The following PRKG1 variants were observed in gnomAD, a reference collection of about 807,000 sequenced individuals.
The protein encoded by PRKG1 is protein kinase cGMP-dependent 1.
Under a neutral mutation model 88.1 loss-of-function variants are expected in PRKG1, and 35 were observed. The ratio of observed to expected loss-of-function variants is 0.40; its 90% CI spans 0.30 to 0.53. The LOEUF is 0.53. PRKG1 is among the 20% of genes least tolerant of loss of function. The probability of loss-of-function intolerance (pLI) is 0.59; values close to 1 mark genes in which losing one functional copy is unlikely to be tolerated. For missense variants in PRKG1, 540 were observed against 839.8 expected (o/e 0.64, Z 4.41); for synonymous variants, 303 against 292.5 (o/e 1.04, Z -0.37).
chr10:52,035,697 G>T (rs1845590094), intron 5 of PRKG1, among the ~76,000 whole-genome samples: 1 of 152,170 alleles, frequency 6.6e-6, no homozygotes, highest in African/African-American at 2.4e-5. Context: ...AACAAAGAGT[G>T]GGTACAGCTG....
At chr10:51,580,353 A>T (rs1342391946) in intron 3 of PRKG1, among the ~76,000 whole-genome samples, 2 of 152,144 alleles carry the variant, frequency 1.3e-5, no homozygotes, top group Admixed American at 1.3e-4. Flanking sequence ...TACAATTATT[A>T]TTCTTGCATG....
At chr10:52,128,190 C>T in intron 7 of PRKG1, 1 of 985,372 alleles carries the variant, frequency 1.0e-6, no homozygotes, top group Non-Finnish European at 1.2e-6. Flanking sequence ...GCTGTAAGCT[C>T]ATAAGCAACT....
At chr10:52,129,464 T>G (rs1188000107) in intron 7 of PRKG1, among the ~76,000 whole-genome samples, 1 of 152,162 alleles carries the variant, frequency 6.6e-6, no homozygotes, top group Non-Finnish European at 1.5e-5. Flanking sequence ...CATATACTAA[T>G]GTCAAGGATT....
intron 5 of PRKG1, among the ~76,000 whole-genome samples, chr10:51,945,366 G>A (rs1368975546): frequency 1.3e-5 from 2 of 151,626 alleles, no homozygotes; most frequent in African/African-American, 4.9e-5. Flanking sequence ...CGTGAGATGA[G>A]TTTCCTGAAT....
At chr10:52,116,261 CA>C (rs1157446585) in intron 7 of PRKG1, among the ~76,000 whole-genome samples, 2 of 152,078 alleles carry the variant, frequency 1.3e-5, no homozygotes, top group Admixed American at 6.6e-5. Context: ...CACAGATAAA[CA>C]ATGTATACGT....
chr10:51,430,296 G>A (rs1471471102), intron 2 of PRKG1, among the ~76,000 whole-genome samples: 4 of 151,942 alleles, frequency 2.6e-5, no homozygotes, highest in Non-Finnish European at 2.9e-5. Flanking sequence ...GCGTGTGCCT[G>A]TGTGTTCTCA....
chr10:51,224,534 C>T (rs987940669), intron 2 of PRKG1, among the ~76,000 whole-genome samples: 1 of 152,176 alleles, frequency 6.6e-6, no homozygotes, highest in South Asian at 2.1e-4. Context: ...ATTTTATATC[C>T]TGTTGTAACT....
At chr10:52,126,489 A>G (rs1463441001) in intron 7 of PRKG1, among the ~76,000 whole-genome samples, 1 of 151,528 alleles carries the variant, frequency 6.6e-6, no homozygotes, top group Non-Finnish European at 1.5e-5. Flanking sequence ...TTTTTTTGTA[A>G]TTAATATGCA....
At chr10:52,226,639 G>A (rs574063089) in intron 9 of PRKG1, among the ~76,000 whole-genome samples, 3 of 152,214 alleles carry the variant, frequency 2.0e-5, no homozygotes, top group Non-Finnish European at 2.9e-5. Context: ...TCAGGGCTGT[G>A]AGTCATTTGC....
chr10:51,786,280 T>C (rs899101780), intron 3 of PRKG1, among the ~76,000 whole-genome samples: 1 of 152,104 alleles, frequency 6.6e-6, no homozygotes, highest in Non-Finnish European at 1.5e-5. Flanking sequence ...GGCTGAGTGG[T>C]GAGACGCCTT....
chr10:51,863,692 G>C (rs977259735), intron 4 of PRKG1, among the ~76,000 whole-genome samples: 5 of 152,140 alleles, frequency 3.3e-5, no homozygotes, highest in Admixed American at 3.3e-4. Flanking sequence ...GGTAGAGCAA[G>C]AAGGCCCTCA....
chr10:51,374,093 A>AAAAAATATATATAT, intron 2 of PRKG1, among the ~76,000 whole-genome samples: 44 of 100,178 alleles, frequency 4.4e-4, no homozygotes, highest in Admixed American at 1.1e-3. Flanking sequence ...AAAAAAAAAA[A>AAAAAATATATATAT]ATATATATAT....
intron 2 of PRKG1, among the ~76,000 whole-genome samples, chr10:51,197,684 A>G (rs759638306): frequency 1.3e-5 from 2 of 151,948 alleles, no homozygotes; most frequent in Non-Finnish European, 2.9e-5. Context: ...TACACTCAAG[A>G]CAAATCATTA....
chr10:51,528,288 G>A (rs942272294), intron 3 of PRKG1, among the ~76,000 whole-genome samples: 11 of 152,000 alleles, frequency 7.2e-5, no homozygotes, highest in Middle Eastern at 6.3e-3. Context: ...TAAAAGTTCT[G>A]GTTAAAATGT....
intron 3 of PRKG1, among the ~76,000 whole-genome samples, chr10:51,527,572 A>G (rs1357783010): frequency 6.6e-6 from 1 of 152,210 alleles, no homozygotes; most frequent in East Asian, 1.9e-4. Flanking sequence ...AGTTTGTTAA[A>G]ATGCGTAGAG....
At chr10:51,637,670 A>G (rs1839692293) in intron 3 of PRKG1, among the ~76,000 whole-genome samples, 1 of 152,236 alleles carries the variant, frequency 6.6e-6, no homozygotes, top group Admixed American at 6.5e-5. Context: ...ATGCAGGAAC[A>G]GAAAACCAAA....
At chr10:52,289,791 A>G (rs1589762406) in intron 16 of PRKG1, among the ~76,000 whole-genome samples, 1 of 152,176 alleles carries the variant, frequency 6.6e-6, no homozygotes, top group Admixed American at 6.6e-5. Context: ...TGATGTGAAA[A>G]GGTTAATTAG....
At chr10:52,002,051 AC>A (rs1844613861) in intron 5 of PRKG1, among the ~76,000 whole-genome samples, 1 of 152,060 alleles carries the variant, frequency 6.6e-6, no homozygotes, top group Non-Finnish European at 1.5e-5. Context: ...AGATCTATAA[AC>A]CCATTTCCCA....
chr10:51,531,637 CTTTTTT>C (rs34091409), intron 3 of PRKG1, among the ~76,000 whole-genome samples: 1,578 of 67,842 alleles, frequency 0.023, 8 homozygotes, highest in Admixed American at 0.045. Flanking sequence ...AAAAAGAATT[CTTTTTT>C]TTTTTTTTTT....
Sources: allele counts gnomAD v4.1 joint callset (sites outside exome capture counted in the v4.1 genomes callset), GRCh38; gene constraint gnomAD v4.1.1; transcripts MANE v1.5; gene names NCBI Gene and HGNC (gene_info 2026-07-23, HGNC 2026-07-21).